The following TRPM3 variants were observed in gnomAD, a reference collection of about 807,000 sequenced individuals.
TRPM3 encodes long transient receptor potential channel 3.
A neutral mutation model predicts 181.2 loss-of-function variants in TRPM3; 77 were observed. The ratio of observed to expected loss-of-function variants is 0.42; its 90% confidence interval spans 0.35 to 0.51. TRPM3 has a LOEUF of 0.51. TRPM3 is among the 20% of genes least tolerant of loss of function. The probability of loss-of-function intolerance (pLI) is 0.01; values close to 1 mark genes in which losing one functional copy is unlikely to be tolerated. For missense variants in TRPM3, 1,759 were observed against 2,196.7 expected (o/e 0.80, Z 3.98); for synonymous variants, 745 against 796.4 (o/e 0.94, Z 1.09).
At chr9:71,082,907 C>A (rs558528467) in intron 1 of TRPM3, among the ~76,000 whole-genome samples, 1 of 152,066 alleles carries the variant, frequency 6.6e-6, no homozygotes, top group Non-Finnish European at 1.5e-5. Flanking sequence ...AGGAATTGTA[C>A]AGGCAGGAAC....
intron 7 of TRPM3, chr9:70,775,706 A>G (rs1373373259): frequency 6.6e-6 from 1 of 152,172 alleles, no homozygotes; most frequent in Non-Finnish European, 1.5e-5. Flanking sequence ...TCGCCTAAGT[A>G]TTCCTTTGAA....
At chr9:70,867,731 T>A (rs6560168) in intron 1 of TRPM3, among the ~76,000 whole-genome samples, 82,019 of 151,912 alleles carry the variant, frequency 0.54, 22,310 homozygotes, top group African/African-American at 0.55. Context: ...AATTCTCCAA[T>A]ATATCATGCA....
intron 1 of TRPM3, among the ~76,000 whole-genome samples, chr9:71,397,734 G>A (rs1478216550): frequency 6.6e-6 from 1 of 152,010 alleles, no homozygotes; most frequent in Non-Finnish European, 1.5e-5. Flanking sequence ...CTAATATTAC[G>A]TTTATGCAGA....
At chr9:70,669,942 T>C (rs966890257) in intron 9 of TRPM3, among the ~76,000 whole-genome samples, 3 of 152,088 alleles carry the variant, frequency 2.0e-5, no homozygotes, top group African/African-American at 7.2e-5. Flanking sequence ...TCACCATGTT[T>C]CCCAGGCTGG....
chr9:71,362,272 G>A (rs4237248), intron 1 of TRPM3, among the ~76,000 whole-genome samples: 150,171 of 152,294 alleles, frequency 0.99, 74,079 homozygotes, highest in East Asian at 1. Context: ...TGCAAAATCA[G>A]TTCCCCTGGG....
At chr9:71,445,821 T>C (rs1301597531) in intron 1 of TRPM3, among the ~76,000 whole-genome samples, 1 of 152,150 alleles carries the variant, frequency 6.6e-6, no homozygotes, top group Non-Finnish European at 1.5e-5. Flanking sequence ...GTATTCTTAA[T>C]GATGTTTGGG....
chr9:71,302,783 A>G (rs1032393703), intron 1 of TRPM3, among the ~76,000 whole-genome samples: 6 of 146,640 alleles, frequency 4.1e-5, no homozygotes, highest in Non-Finnish European at 9.0e-5. Context: ...AAATATTCTA[A>G]AAAAAAAAAG....
chr9:71,279,717 A>G (rs771084981), intron 1 of TRPM3, among the ~76,000 whole-genome samples: 1 of 152,182 alleles, frequency 6.6e-6, no homozygotes, highest in Admixed American at 6.5e-5. Flanking sequence ...CAGCGTAGAC[A>G]GGGAGAGATG....
At chr9:70,786,190 C>A (rs1186711582) in intron 6 of TRPM3, among the ~76,000 whole-genome samples, 1 of 151,562 alleles carries the variant, frequency 6.6e-6, no homozygotes, top group Non-Finnish European at 1.5e-5. Context: ...GCTGGCCAGG[C>A]ACAGTGGCTC....
At chr9:70,613,387 G>A (rs893530287) in intron 18 of TRPM3, among the ~76,000 whole-genome samples, 4 of 152,212 alleles carry the variant, frequency 2.6e-5, no homozygotes, top group Admixed American at 2.6e-4. Context: ...GGAGTGAATT[G>A]AGGTTGATAT....
intron 7 of TRPM3, among the ~76,000 whole-genome samples, chr9:70,770,691 A>T (rs1362620983): frequency 6.6e-6 from 1 of 152,182 alleles, no homozygotes; most frequent in African/African-American, 2.4e-5. Flanking sequence ...CTCATCTGTT[A>T]AATAAGGGTA....
At chr9:71,242,836 C>T (rs1359173632) in intron 1 of TRPM3, among the ~76,000 whole-genome samples, 1 of 151,968 alleles carries the variant, frequency 6.6e-6, no homozygotes, top group Non-Finnish European at 1.5e-5. Context: ...GATTATATCA[C>T]GCCTCTGCTT....
chr9:71,322,603 G>A (rs1407582670), intron 1 of TRPM3, among the ~76,000 whole-genome samples: 1 of 152,092 alleles, frequency 6.6e-6, no homozygotes, highest in Non-Finnish European at 1.5e-5. Flanking sequence ...TTAGGAGCAA[G>A]AATGAGTCTG....
intron 1 of TRPM3, among the ~76,000 whole-genome samples, chr9:71,007,277 A>T (rs1028408836): frequency 1.3e-5 from 2 of 152,098 alleles, no homozygotes; most frequent in Non-Finnish European, 2.9e-5. Flanking sequence ...GTACTTCACC[A>T]CCCTACTTTC....
Position 71,031,989 on chromosome 9 carries a change from A to AATATATATATAT in TRPM3, c.177+89188_177+89189insATATATATATAT, listed in dbSNP as rs2057403289. ...TATATATATTATATATATATATATT[A>AATATATATATAT]TATATATATAATTATATAATATATA... On this transcript the variant is annotated intron_variant, in intron 1 of 25. Coordinates refer to ENST00000677713, the MANE Select transcript of TRPM3 (RefSeq NM_001366145.2). Among the ~76,000 whole-genome samples, 3 of 436 alleles carry AATATATATATAT rather than the reference A, an allele frequency of 6.9e-3. No individual in the cohort carries two copies. In the Admixed American group the frequency reaches 0.15, roughly 22 times the overall value. 0.3% of individuals were successfully genotyped at this position (436 alleles called of 152,430 possible).
chr9:70,918,623 T>C (rs1239757923), intron 1 of TRPM3, among the ~76,000 whole-genome samples: 1 of 152,070 alleles, frequency 6.6e-6, no homozygotes, highest in African/African-American at 2.4e-5. Flanking sequence ...AAAGCAGTAC[T>C]AAGGGGGAAA....
chr9:70,916,304 G>A (rs1341726280), intron 1 of TRPM3, among the ~76,000 whole-genome samples: 1 of 152,058 alleles, frequency 6.6e-6, no homozygotes, highest in Non-Finnish European at 1.5e-5. Context: ...TCATCTGAAG[G>A]TACAAAACTC....
chr9:71,367,632 A>G (rs1588689784), intron 1 of TRPM3, among the ~76,000 whole-genome samples: 1 of 152,316 alleles, frequency 6.6e-6, no homozygotes, highest in African/African-American at 2.4e-5. Context: ...ACCTAAAAAG[A>G]TCTAGTCCAG....
At chr9:71,363,197 C>T (rs1342267323) in intron 1 of TRPM3, among the ~76,000 whole-genome samples, 1 of 152,118 alleles carries the variant, frequency 6.6e-6, no homozygotes, top group Non-Finnish European at 1.5e-5. Flanking sequence ...AAGAGAAATG[C>T]CCAGTGAAAT....
Sources: gnomAD v4.1 joint callset for allele counts (sites outside exome capture counted in the v4.1 genomes callset) on GRCh38, gnomAD v4.1.1 for gene constraint, MANE v1.5 for transcripts, NCBI Gene and HGNC (gene_info 2026-07-23, HGNC 2026-07-21) for gene names.